Variants in DCLK1 observed in about 807,000 individuals in gnomAD.
DCLK1 encodes the protein doublecortin like kinase 1, also known as serine/threonine-protein kinase DCLK1.
A neutral mutation model predicts 86.2 loss-of-function variants in DCLK1; 16 were observed. The observed-to-expected ratio is 0.19, with a 90% CI of 0.13 to 0.28. The LOEUF (loss-of-function observed/expected upper bound fraction) is 0.28, where lower values mean the gene tolerates loss of function less well. Ranked by LOEUF, DCLK1 falls within the 10% of genes least tolerant of loss-of-function variation. The pLI is 1.00. For missense variants in DCLK1, 590 were observed against 940.2 expected (o/e 0.63, Z 4.87); for synonymous variants, 369 against 370.5 (o/e 1.00, Z 0.05).
chr13:36,028,650 T>C (rs1379182308), intron 3 of DCLK1, among the ~76,000 whole-genome samples: 1 of 152,214 alleles, frequency 6.6e-6, no homozygotes, highest in African/African-American at 2.4e-5. Context: ...TGAGGTCTAC[T>C]GGGCTGCATT....
chr13:35,830,222 C>T (rs1442124884), intron 8 of DCLK1, among the ~76,000 whole-genome samples: 1 of 151,468 alleles, frequency 6.6e-6, no homozygotes, highest in Non-Finnish European at 1.5e-5. Flanking sequence ...CCTGACTCTA[C>T]TAAAAAAAAA....
rs1391699113 is a variant in DCLK1 at position 35,770,378 on chromosome 13, T to C, written c.*4157A>G. 6.6e-6 allele frequency: 1 copy of C among 152,212 alleles called. No homozygotes were observed. Among genetic ancestry groups the C allele is most frequent in the South Asian group, 2.1e-4 (1 of 4,830 alleles). The allele number at this position is 152,212 out of a possible 1,614,324, so 9.4% of individuals were successfully genotyped here. On this transcript the variant is annotated 3_prime_UTR_variant, in exon 17 of 17. Coordinates refer to ENST00000360631, the MANE Select transcript of DCLK1 (RefSeq NM_001330071.2). ...TATCTGAATTGTCAAAAAATGTTAA[T>C]TTTGGAAGTGCTTTTAATCACTATT...
At chr13:35,895,961 A>T (rs1196368920) in intron 4 of DCLK1, among the ~76,000 whole-genome samples, 1 of 152,066 alleles carries the variant, frequency 6.6e-6, no homozygotes, top group East Asian at 1.9e-4. Flanking sequence ...AGTTCACATA[A>T]ACCTAAAACT....
At chr13:36,035,099 C>T (rs114908024) in intron 3 of DCLK1, among the ~76,000 whole-genome samples, 32 of 152,190 alleles carry the variant, frequency 2.1e-4, no homozygotes, top group African/African-American at 7.7e-4. Flanking sequence ...TCAGTCCTGC[C>T]CACCAAATCA....
At chr13:36,066,362 A>G (rs576103305) in intron 3 of DCLK1, among the ~76,000 whole-genome samples, 66 of 152,306 alleles carry the variant, frequency 4.3e-4, no homozygotes, top group African/African-American at 1.5e-3. Context: ...CTTGGCCACA[A>G]CACTTCTTTC....
chr13:36,019,802 A>T (rs987012742), intron 3 of DCLK1, among the ~76,000 whole-genome samples: 10 of 152,222 alleles, frequency 6.6e-5, no homozygotes, highest in Admixed American at 6.5e-4. Flanking sequence ...AGCGAAAGGC[A>T]CATTGTAATC....
intron 3 of DCLK1, among the ~76,000 whole-genome samples, chr13:36,044,090 C>T (rs950726841): frequency 3.9e-5 from 6 of 152,160 alleles, no homozygotes; most frequent in African/African-American, 1.2e-4. Context: ...AATGAGTTCA[C>T]ATGCAATATG....
intron 4 of DCLK1, among the ~76,000 whole-genome samples, chr13:35,934,203 C>A (rs1876626342): frequency 6.6e-6 from 1 of 152,170 alleles, no homozygotes; most frequent in African/African-American, 2.4e-5. Flanking sequence ...TCGCTATCAC[C>A]AAACTTTCCC....
At chr13:35,831,166 CCATTA>C (rs1460765629) in intron 8 of DCLK1, among the ~76,000 whole-genome samples, 1 of 152,192 alleles carries the variant, frequency 6.6e-6, no homozygotes, top group East Asian at 1.9e-4. Context: ...ATTAAACCTT[CCATTA>C]CATCTACTCA....
chr13:35,809,137 G>T (rs774141108), intron 12 of DCLK1, 42 bp from the exon 13 acceptor site: 2 of 1,525,644 alleles, frequency 1.3e-6, no homozygotes, highest in Non-Finnish European at 1.8e-6. Context: ...GGTCAGGCTC[G>T]GACAAATTAT....
intron 16 of DCLK1, among the ~76,000 whole-genome samples, chr13:35,780,111 C>T (rs1308214540): frequency 6.6e-6 from 1 of 152,034 alleles, no homozygotes; most frequent in African/African-American, 2.4e-5. Flanking sequence ...GGGGAGTCCT[C>T]AAGAGTCAAC....
chr13:35,930,204 G>A (rs1876349212), intron 4 of DCLK1, among the ~76,000 whole-genome samples: 1 of 152,106 alleles, frequency 6.6e-6, no homozygotes, highest in Non-Finnish European at 1.5e-5. Flanking sequence ...TTTCCAGAAC[G>A]TTTTTGTTTA....
chr13:36,008,066 T>C (rs1310319681), intron 3 of DCLK1, among the ~76,000 whole-genome samples: 1 of 151,310 alleles, frequency 6.6e-6, no homozygotes, highest in Admixed American at 6.6e-5. Context: ...TTATACCTAA[T>C]TGCAATGCCT....
chr13:35,847,326 G>A (rs1335018514), intron 6 of DCLK1: 7 of 984,728 alleles, frequency 7.1e-6, no homozygotes, highest in Non-Finnish European at 8.4e-6. Flanking sequence ...ATTACATGAA[G>A]ATTTTATGTA....
chr13:35,966,694 C>T (rs547331370), intron 3 of DCLK1, among the ~76,000 whole-genome samples: 164 of 152,150 alleles, frequency 1.1e-3, no homozygotes, highest in Non-Finnish European at 2.0e-3. Flanking sequence ...TTGGTGGAGA[C>T]GGGGTTTCGC....
At chr13:35,816,900 A>T (rs915808233) in intron 11 of DCLK1, among the ~76,000 whole-genome samples, 1 of 152,148 alleles carries the variant, frequency 6.6e-6, no homozygotes, top group Non-Finnish European at 1.5e-5. Flanking sequence ...TTACATTTCT[A>T]GAAGTAGAAT....
intron 4 of DCLK1, among the ~76,000 whole-genome samples, chr13:35,933,985 C>T (rs1876615252): frequency 6.6e-6 from 1 of 152,142 alleles, no homozygotes; most frequent in South Asian, 2.1e-4. Flanking sequence ...GCCCCTGAGT[C>T]ACCTCTTGAA....
In DCLK1 at chr13:35,847,709, G is replaced by T. The variant is rs574015726; in HGVS notation, c.1035+6790C>A. 7.1e-6 allele frequency: 7 copies of T among 982,698 alleles called. No homozygotes were observed. In the African/African-American group the frequency reaches 1.2e-4, roughly 17 times the overall value. The allele number at this position is 982,698 out of a possible 1,614,324, so 60.9% of individuals were successfully genotyped here. A position where few individuals can be genotyped will look rare whatever the true frequency, so the allele number is the denominator to read the frequency against. The stretch of plus-strand genomic sequence containing the variant: ...CAGGGCATGTGTTGGAAATTCCCCG[G>T]CTGGTTATGTAGGGTATATATATAT... On this transcript the variant is annotated intron_variant, in intron 6 of 16. Coordinates refer to ENST00000360631, the MANE Select transcript of DCLK1 (RefSeq NM_001330071.2).
At chr13:35,836,278 T>C (rs1400296449) in intron 7 of DCLK1, 137 bp from the exon 8 acceptor site, 3 of 698,300 alleles carry the variant, frequency 4.3e-6, no homozygotes, top group Non-Finnish European at 7.1e-6. Context: ...GTGAGGCAAC[T>C]GCCTCCCCAC....
Sources: allele counts gnomAD v4.1 joint callset (sites outside exome capture counted in the v4.1 genomes callset), GRCh38; gene constraint gnomAD v4.1.1; transcripts MANE v1.5; gene names NCBI Gene and HGNC (gene_info 2026-07-23, HGNC 2026-07-21).